RBFOX3: variants seen among roughly 807,000 people sequenced by gnomAD.
RBFOX3 encodes the protein RNA binding fox-1 homolog 3.
A neutral mutation model predicts 48.7 loss-of-function variants in RBFOX3; 17 were observed. That is an observed-to-expected ratio of 0.35 (90% CI 0.24 to 0.52). The LOEUF is 0.52. Ranked by LOEUF, RBFOX3 falls within the 20% of genes least tolerant of loss-of-function variation. The pLI is 0.94. For synonymous variants in RBFOX3, 212 were observed against 209.5 expected (o/e 1.01, Z -0.10); for missense variants, 382 against 497.5 (o/e 0.77, Z 2.21).
chr17:79,412,266 T>C (rs554324829), intron 2 of RBFOX3, among the ~76,000 whole-genome samples: 3 of 151,156 alleles, frequency 2.0e-5, no homozygotes, highest in Non-Finnish European at 4.4e-5. Flanking sequence ...GGTGTGTGTA[T>C]GGTATGTGTG....
intron 14 of RBFOX3, among the ~76,000 whole-genome samples, chr17:79,091,408 G>T (rs1293388479): frequency 6.6e-6 from 1 of 152,238 alleles, no homozygotes; most frequent in East Asian, 1.9e-4. Context: ...GCCAGGAAAG[G>T]ACTGTGCCTG....
At chr17:79,495,563 G>A (rs113927930) in intron 1 of RBFOX3, among the ~76,000 whole-genome samples, 1,499 of 16,470 alleles carry the variant, frequency 0.091, 432 homozygotes, top group Non-Finnish European at 0.25. Flanking sequence ...GGGGTACTGG[G>A]GGCAGGGATG....
chr17:79,453,162 C>T (rs1258691213), intron 2 of RBFOX3, among the ~76,000 whole-genome samples: 3 of 152,242 alleles, frequency 2.0e-5, no homozygotes, highest in Non-Finnish European at 4.4e-5. Context: ...TGCTAATAGC[C>T]GTGTCATTCT....
At chr17:79,127,298 A>G (rs1407238473) in intron 4 of RBFOX3, among the ~76,000 whole-genome samples, 7 of 152,212 alleles carry the variant, frequency 4.6e-5, no homozygotes, top group Non-Finnish European at 8.8e-5. Flanking sequence ...GTTCAAGAGC[A>G]GAGTGGGTAG....
At chr17:79,663,627 T>C in the RBFOX3 span, among the ~76,000 whole-genome samples, 3 of 152,226 alleles carry the variant, frequency 2.0e-5, no homozygotes, top group Non-Finnish European at 2.9e-5. Flanking sequence ...TAGTTTCATC[T>C]GCAGACAGAA....
chr17:79,385,836 G>T (rs78133356), intron 2 of RBFOX3, among the ~76,000 whole-genome samples: 3,808 of 151,356 alleles, frequency 0.025, 41 homozygotes, highest in East Asian at 0.081. Flanking sequence ...ACAGAAAGAG[G>T]CTCCATCACC....
At position 79,386,158 on chromosome 17, in the gene RBFOX3, A is replaced by G. The variant is rs980796514; in HGVS notation, c.-174-78334T>C. Among the ~76,000 whole-genome samples, 3 of 145,100 alleles carry G rather than the reference A, an allele frequency of 2.1e-5. No individual in the cohort carries two copies. The East Asian group carries it at 6.2e-4, about 30-fold the overall frequency. On this transcript the variant is annotated intron_variant, in intron 2 of 14. Coordinates refer to ENST00000693108, the MANE Select transcript of RBFOX3 (RefSeq NM_001350451.2). The stretch of plus-strand genomic sequence containing the variant: ...GGCTCCATCATCCTCCATTGCAGAC[A>G]TGAGCTCCATCACCTCCTGTAACAG...
chr17:79,133,779 T>C (rs1344322402), intron 4 of RBFOX3, among the ~76,000 whole-genome samples: 3 of 152,158 alleles, frequency 2.0e-5, no homozygotes, highest in Non-Finnish European at 4.4e-5. Flanking sequence ...AAGAACATCA[T>C]CCAGGCCAAA....
At chr17:79,230,472 G>A (rs945578158) in intron 4 of RBFOX3, among the ~76,000 whole-genome samples, 19 of 151,666 alleles carry the variant, frequency 1.3e-4, no homozygotes, top group Non-Finnish European at 2.2e-4. Context: ...TGTTGGCCAG[G>A]CTGGTCTCGA....
chr17:79,402,299 C>G (rs2062909645), intron 2 of RBFOX3, among the ~76,000 whole-genome samples: 1 of 152,204 alleles, frequency 6.6e-6, no homozygotes, highest in Non-Finnish European at 1.5e-5. Flanking sequence ...TTCATTACCC[C>G]TGATGTGTGA....
In RBFOX3 at chr17:79,390,073, C is replaced by T. The variant is rs1313995319; in HGVS notation, c.-174-82249G>A. Among the ~76,000 whole-genome samples, 1 of 150,904 alleles carries T rather than the reference C, an allele frequency of 6.6e-6. No homozygotes were observed. The highest frequency in any genetic ancestry group is 6.6e-5 in the Admixed American group (1 of 15,226). On this transcript the variant is annotated intron_variant, in intron 2 of 14. Coordinates refer to ENST00000693108, the MANE Select transcript of RBFOX3 (RefSeq NM_001350451.2). This position sits in a 1 kb window ranked among gnomAD's most constrained non-coding sequence, Gnocchi z 4.2. Reference sequence around the variant, plus strand: ...CTCCGCAGCCGCCGGGTCTCCGCAGCCTCCGGGTCTCCGCAGCCTCCGGGT... The same window carrying T: ...CTCCGCAGCCGCCGGGTCTCCGCAGTCTCCGGGTCTCCGCAGCCTCCGGGT...
intron 2 of RBFOX3, among the ~76,000 whole-genome samples, chr17:79,393,108 A>G (rs748781224): frequency 6.6e-6 from 1 of 152,222 alleles, no homozygotes; most frequent in African/African-American, 2.4e-5. Flanking sequence ...GAGTTGTAAA[A>G]TATACACAAT....
Position 79,332,621 on chromosome 17 carries a change from G to A in RBFOX3, c.-174-24797C>T, listed in dbSNP as rs867611437. ...CAGAGAGAACAGAGACACACACAGA[G>A]AGACAAAGAGAGACAGAGATGGAGA... On this transcript the variant is annotated intron_variant, in intron 2 of 14. Coordinates refer to ENST00000693108, the MANE Select transcript of RBFOX3 (RefSeq NM_001350451.2). Among the ~76,000 whole-genome samples, 22 of 152,088 alleles carry A rather than the reference G, an allele frequency of 1.4e-4. 1 individual carries two copies. The highest frequency in any genetic ancestry group is 4.8e-4 in the African/African-American group (20 of 41,438).
chr17:79,644,781 C>A, the RBFOX3 span, among the ~76,000 whole-genome samples: 1 of 152,178 alleles, frequency 6.6e-6, no homozygotes, highest in Non-Finnish European at 1.5e-5. Flanking sequence ...AGACATATAT[C>A]ATGATTATGT....
intron 3 of RBFOX3, among the ~76,000 whole-genome samples, chr17:79,276,610 A>C (rs891265265): frequency 6.6e-6 from 1 of 152,112 alleles, no homozygotes; most frequent in Admixed American, 6.5e-5. Context: ...GCTTGAACCC[A>C]GGAGTGAGAG....
intron 4 of RBFOX3, among the ~76,000 whole-genome samples, chr17:79,190,604 AC>A (rs2054325941): frequency 6.6e-6 from 1 of 151,618 alleles, no homozygotes; most frequent in Non-Finnish European, 1.5e-5. Flanking sequence ...ACTGGGGGAG[AC>A]CCTGCTGTCT....
chr17:79,152,014 A>C (rs2144867770), intron 4 of RBFOX3, among the ~76,000 whole-genome samples: 1 of 151,942 alleles, frequency 6.6e-6, no homozygotes, highest in African/African-American at 2.4e-5. Context: ...GCAGGGGAGA[A>C]CGCTAAGAAA....
chr17:79,210,038 T>C (rs1378307640), intron 4 of RBFOX3, among the ~76,000 whole-genome samples: 3 of 150,730 alleles, frequency 2.0e-5, no homozygotes, highest in Admixed American at 1.3e-4. Flanking sequence ...ACAGCGTTTC[T>C]GTGTGCGCAC....
At chr17:79,330,617 C>T (rs913831725) in intron 2 of RBFOX3, among the ~76,000 whole-genome samples, 2 of 152,110 alleles carry the variant, frequency 1.3e-5, no homozygotes, top group African/African-American at 4.8e-5. Context: ...TCCCCCAGGC[C>T]TCTCCCACAC....
Sources: gnomAD v4.1 joint callset for allele counts (sites outside exome capture counted in the v4.1 genomes callset) on GRCh38, gnomAD v4.1.1 for gene constraint, Gnocchi (gnomAD v3.1) non-coding constraint, MANE v1.5 for transcripts, NCBI Gene and HGNC (gene_info 2026-07-23, HGNC 2026-07-21) for gene names.